Variants in RANBP2 observed in about 807,000 individuals in gnomAD.
RANBP2 encodes E3 SUMO-protein ligase RanBP2.
Under a neutral mutation model 303.6 loss-of-function variants are expected in RANBP2, and 57 were observed. That is an observed-to-expected ratio of 0.19 (90% CI 0.15 to 0.23). RANBP2 has a LOEUF of 0.23. RANBP2 is among the 10% of genes least tolerant of loss of function. The pLI, the probability that RANBP2 is intolerant of heterozygous loss-of-function variation, is 1.00. For missense variants in RANBP2, 3,138 were observed against 3,780.8 expected, an observed-to-expected ratio of 0.83 and a Z score of 4.46; for synonymous variants, 1,167 against 1,301.5, an observed-to-expected ratio of 0.90 and a Z score of 2.23.
At chr2:109,321,643 C>T in the RANBP2 span, among the ~76,000 whole-genome samples, 2 of 152,186 alleles carry the variant, frequency 1.3e-5, no homozygotes, top group Non-Finnish European at 2.9e-5. Flanking sequence ...CTAGATAAAA[C>T]CCTCTTGTGG....
At chr2:109,433,406 C>G in the RANBP2 span, among the ~76,000 whole-genome samples, 1 of 152,186 alleles carries the variant, frequency 6.6e-6, no homozygotes, top group Non-Finnish European at 1.5e-5. Flanking sequence ...TTTAGAGTCA[C>G]TGAAGAGACA....
the RANBP2 span, among the ~76,000 whole-genome samples, chr2:109,735,503 T>A: frequency 6.6e-6 from 1 of 152,170 alleles, no homozygotes; most frequent in Non-Finnish European, 1.5e-5. Context: ...TCTCTTTTTC[T>A]TTTTTAGTAG....
chr2:109,316,775 C>T, the RANBP2 span, among the ~76,000 whole-genome samples: 2 of 152,176 alleles, frequency 1.3e-5, no homozygotes, highest in Non-Finnish European at 2.9e-5. Context: ...ACTTTCCCTG[C>T]CCTTAAAAAT....
At chr2:109,074,728 T>C in the RANBP2 span, among the ~76,000 whole-genome samples, 1 of 148,750 alleles carries the variant, frequency 6.7e-6, no homozygotes, top group South Asian at 2.2e-4. Context: ...TAGTAATAAT[T>C]ACTTAAAATG....
the RANBP2 span, among the ~76,000 whole-genome samples, chr2:109,266,050 G>A: frequency 3.3e-5 from 5 of 152,038 alleles, no homozygotes; most frequent in Admixed American, 1.3e-4. Context: ...TGTGTTGTAT[G>A]TGCATGTGTG....
At chr2:109,613,725 G>A in the RANBP2 span, 35 of 1,022,298 alleles carry the variant, frequency 3.4e-5, no homozygotes, top group Non-Finnish European at 4.2e-5. Context: ...CAGGGGGCCG[G>A]TGGGTCGAGG....
the RANBP2 span, among the ~76,000 whole-genome samples, chr2:109,223,010 A>G: frequency 6.6e-6 from 1 of 152,208 alleles, no homozygotes; most frequent in Non-Finnish European, 1.5e-5. Context: ...CAGGGTGAAG[A>G]GGGCACTGTC....
At chr2:109,396,163 A>T in the RANBP2 span, among the ~76,000 whole-genome samples, 1 of 152,218 alleles carries the variant, frequency 6.6e-6, no homozygotes, top group Non-Finnish European at 1.5e-5. Flanking sequence ...ACTGGGGTCC[A>T]GAAAGCTGGC....
rs1395005539 is a variant in RANBP2, at chr2:108,765,269, C to T, written c.4730C>T (p.Ser1577Phe). 13 of 1,613,896 alleles carry T rather than the reference C, an allele frequency of 8.1e-6. No homozygotes were observed. The South Asian group carries it at 1.2e-4, about 15-fold the overall frequency. The stretch of plus-strand genomic sequence containing the variant: ...CCGGATAAACCAAGTCCATCTACTT[C>T]TGTTCCAGCTCCTGCCTCTTTTAAG... ...QNPDKPSPST[S>F]VPAPASFKFG... Residue 1577 changes from serine to phenylalanine, a missense_variant, in exon 20 of 29, where the codon TCT becomes TTT. This residue lies in a region of RANBP2 where 388 missense variants were observed against 328.5 expected (regional missense o/e 1.18). Transcript: ENST00000283195.
At chr2:109,306,920 G>T in the RANBP2 span, among the ~76,000 whole-genome samples, 1 of 152,234 alleles carries the variant, frequency 6.6e-6, no homozygotes, top group Non-Finnish European at 1.5e-5. Flanking sequence ...ATGCATGCCC[G>T]TGTGGATGGC....
chr2:109,478,718 C>T, the RANBP2 span, among the ~76,000 whole-genome samples: 2 of 152,000 alleles, frequency 1.3e-5, no homozygotes, highest in African/African-American at 2.4e-5. Flanking sequence ...AGTCTGAGCT[C>T]GTAGGTAAGA....
Position 108,763,827 on chromosome 2 carries a change from A to C in RANBP2, c.3288A>C (p.Arg1096=). ...CTGGTGGTCAAACCATTGGGCCTCG[A>C]AATACATTCAATTTTGGAAGCAAAA... ...PIPGGQTIGP[R]NTFNFGSKNV... Residue 1096 remains arginine (R), a synonymous_variant, in exon 20 of 29, where the codon CGA becomes CGC. Coordinates refer to ENST00000283195, the MANE Select transcript of RANBP2 (RefSeq NM_006267.5). 1 of 1,614,074 alleles carries C rather than the reference A, an allele frequency of 6.2e-7. No individual in the cohort carries two copies. Among genetic ancestry groups the C allele is most frequent in the Admixed American group, 1.7e-5 (1 of 60,008 alleles).
the RANBP2 span, among the ~76,000 whole-genome samples, chr2:109,131,771 A>C: frequency 6.6e-6 from 1 of 152,302 alleles, no homozygotes; most frequent in Admixed American, 6.5e-5. Flanking sequence ...TACTCACCAT[A>C]TGTTGAGACC....
At chr2:109,470,136 C>A in the RANBP2 span, among the ~76,000 whole-genome samples, 1 of 152,210 alleles carries the variant, frequency 6.6e-6, no homozygotes, top group Non-Finnish European at 1.5e-5. Flanking sequence ...ACAAGGATTC[C>A]TTGTCCCTTC....
the RANBP2 span, among the ~76,000 whole-genome samples, chr2:109,397,143 A>G: frequency 2.0e-5 from 3 of 152,158 alleles, no homozygotes; most frequent in African/African-American, 7.2e-5. Flanking sequence ...CCTGGCAGAC[A>G]GAATGTGCCA....
chr2:109,633,545 C>T, the RANBP2 span, among the ~76,000 whole-genome samples: 8 of 152,130 alleles, frequency 5.3e-5, no homozygotes, highest in Non-Finnish European at 1.2e-4. Context: ...CCTGAGGTAT[C>T]ATCAGTGCTT....
chr2:109,458,143 A>T, the RANBP2 span, among the ~76,000 whole-genome samples: 3 of 152,172 alleles, frequency 2.0e-5, no homozygotes, highest in Non-Finnish European at 4.4e-5. Context: ...CACTCCTGGG[A>T]CAGTTTGGTT....
chr2:108,996,800 G>A, the RANBP2 span, among the ~76,000 whole-genome samples: 1 of 152,114 alleles, frequency 6.6e-6, no homozygotes, highest in Non-Finnish European at 1.5e-5. Context: ...TGCGGGCTAG[G>A]TGGCTTTTCC....
the RANBP2 span, among the ~76,000 whole-genome samples, chr2:109,555,475 G>A: frequency 6.6e-6 from 1 of 152,252 alleles, no homozygotes; most frequent in East Asian, 1.9e-4. Flanking sequence ...ACTCTCCCCT[G>A]TTGCAGGCCA....
Sources: gnomAD v4.1 joint callset for allele counts (sites outside exome capture counted in the v4.1 genomes callset) on GRCh38, gnomAD v4.1.1 for gene constraint, gnomAD v4.1.1 regional missense constraint, MANE v1.5 for transcripts, NCBI Gene and HGNC (gene_info 2026-07-23, HGNC 2026-07-21) for gene names.